Variants in SGMS1 observed in about 807,000 individuals in gnomAD.
SGMS1 encodes phosphatidylcholine:ceramide cholinephosphotransferase 1.
A neutral mutation model predicts 46.2 loss-of-function variants in SGMS1; 13 were observed. The observed-to-expected ratio is 0.28, with a 90% CI of 0.18 to 0.45. The LOEUF (loss-of-function observed/expected upper bound fraction) is 0.45. Ranked by LOEUF, SGMS1 falls within the 20% of genes least tolerant of loss-of-function variation. SGMS1 has a pLI of 1.00. For missense variants in SGMS1, 324 were observed against 519.9 expected, an observed-to-expected ratio of 0.62 and a Z score of 3.66; for synonymous variants, 203 against 187.8, an observed-to-expected ratio of 1.08 and a Z score of -0.66.
upstream of SGMS1, chr10:50,624,865 C>T (rs12763330): frequency 2.0e-6 from 2 of 994,892 alleles, no homozygotes; most frequent in South Asian, 3.9e-5. Context: ...GTGCCTCCCG[C>T]GGGGTCGGGG....
intron 5 of SGMS1, among the ~76,000 whole-genome samples, chr10:50,458,545 G>A (rs1319372962): frequency 1.3e-5 from 2 of 151,334 alleles, no homozygotes; most frequent in African/African-American, 4.9e-5. Context: ...ATTTTTAGTA[G>A]AGACGGGGTT....
chr10:50,481,108 C>T (rs1264443283), intron 3 of SGMS1, among the ~76,000 whole-genome samples: 1 of 152,228 alleles, frequency 6.6e-6, no homozygotes, highest in East Asian at 1.9e-4. Context: ...AGATTGTTGG[C>T]AGTCTGGATG....
At chr10:50,571,219 C>T (rs1349308934) in intron 2 of SGMS1, among the ~76,000 whole-genome samples, 1 of 152,180 alleles carries the variant, frequency 6.6e-6, no homozygotes, top group Non-Finnish European at 1.5e-5. Flanking sequence ...GAAGGAAAAG[C>T]AAACTTAAAT....
In SGMS1 at chr10:50,529,377, T is replaced by C. The variant is rs147482961; in HGVS notation, c.-588-9456A>G. Reference sequence around the variant, plus strand: ...CCATATTTTGGAGACCACTGTATCCTTACCACAATACAATGCTAGGTAAAC... The same window carrying C: ...CCATATTTTGGAGACCACTGTATCCCTACCACAATACAATGCTAGGTAAAC... On this transcript the variant is annotated intron_variant, in intron 2 of 10. Transcript: ENST00000361781. Among the ~76,000 whole-genome samples, 35 of 152,286 alleles carry C rather than the reference T, an allele frequency of 2.3e-4. No homozygotes were observed. In the East Asian group the frequency reaches 6.8e-3, roughly 29 times the overall value.
At chr10:50,523,930 C>G (rs1018923499) in intron 2 of SGMS1, among the ~76,000 whole-genome samples, 1 of 152,228 alleles carries the variant, frequency 6.6e-6, no homozygotes, top group Non-Finnish European at 1.5e-5. Context: ...CGCAGCATTC[C>G]AAACACAGTT....
intron 6 of SGMS1, among the ~76,000 whole-genome samples, chr10:50,351,199 A>G (rs1848005955): frequency 6.6e-6 from 1 of 152,078 alleles, no homozygotes; most frequent in African/African-American, 2.4e-5. Context: ...TGGGTCTGTA[A>G]CCCCTTTGTT....
At chr10:50,413,337 C>T (rs1478400990) in intron 6 of SGMS1, among the ~76,000 whole-genome samples, 2 of 152,196 alleles carry the variant, frequency 1.3e-5, no homozygotes, top group Non-Finnish European at 2.9e-5. Context: ...AATATTTCAC[C>T]GTGCTGCTGA....
At chr10:50,606,224 CCA>C (rs1251642793) in intron 1 of SGMS1, among the ~76,000 whole-genome samples, 1 of 152,148 alleles carries the variant, frequency 6.6e-6, no homozygotes, top group East Asian at 1.9e-4. Context: ...GTAAATCAAG[CCA>C]AATACTAAAT....
At chr10:50,427,393 C>T (rs1406414391) in intron 6 of SGMS1, among the ~76,000 whole-genome samples, 1 of 152,090 alleles carries the variant, frequency 6.6e-6, no homozygotes, top group Non-Finnish European at 1.5e-5. Flanking sequence ...AGCGAGACTC[C>T]GTCACAACAA....
At chr10:50,606,500 A>G (rs553381507) in intron 1 of SGMS1, among the ~76,000 whole-genome samples, 1 of 152,388 alleles carries the variant, frequency 6.6e-6, no homozygotes, top group East Asian at 1.9e-4. Context: ...TAATCAAAAA[A>G]GATGTTTGTA....
chr10:50,534,886 G>A (rs1837986082), intron 2 of SGMS1, among the ~76,000 whole-genome samples: 1 of 152,120 alleles, frequency 6.6e-6, no homozygotes, highest in Non-Finnish European at 1.5e-5. Flanking sequence ...ACAGTTTCCA[G>A]CTTATGGCAT....
At chr10:50,436,118 T>A (rs1277046817) in intron 5 of SGMS1, among the ~76,000 whole-genome samples, 1 of 152,224 alleles carries the variant, frequency 6.6e-6, no homozygotes, top group African/African-American at 2.4e-5. Flanking sequence ...CCAACTTTTT[T>A]TTTTGAGACA....
chr10:50,495,686 C>T (rs1179089453), intron 3 of SGMS1, among the ~76,000 whole-genome samples: 1 of 151,666 alleles, frequency 6.6e-6, no homozygotes, highest in East Asian at 1.9e-4. Context: ...TTGTTAATTT[C>T]ATATATTGAA....
intron 7 of SGMS1, among the ~76,000 whole-genome samples, chr10:50,331,349 T>C (rs974357991): frequency 3.9e-5 from 6 of 152,184 alleles, no homozygotes; most frequent in African/African-American, 1.2e-4. Flanking sequence ...AACAAAAATA[T>C]TCAGGAAACT....
chr10:50,485,083 T>C (rs1837508488), intron 3 of SGMS1, among the ~76,000 whole-genome samples: 1 of 152,152 alleles, frequency 6.6e-6, no homozygotes, highest in Admixed American at 6.5e-5. Context: ...GGTATTCAAA[T>C]TTTAAAAAGA....
rs138075679 is a variant in SGMS1, at chr10:50,343,971, G to A, written c.144C>T (p.Pro48=). The change falls in exon 7 of 11, where the codon CCC becomes CCT. Residue 48 remains proline, a synonymous_variant. Transcript: ENST00000361781. ...NLTQEDFKKP[P]LCRVSSDNGQ... Reference sequence around the variant, plus strand: ...CATTGTCAGAGGAGACTCGGCACAAGGGGGGTTTTTTGAAATCCTCTTGGG... The same window carrying A: ...CATTGTCAGAGGAGACTCGGCACAAAGGGGGTTTTTTGAAATCCTCTTGGG... 104 of 1,605,078 alleles carry A rather than the reference G, an allele frequency of 6.5e-5. No homozygotes were observed. The African/African-American group carries it at 1.3e-3, about 19-fold the overall frequency.
At chr10:50,432,740 C>A (rs914996323) in intron 6 of SGMS1, among the ~76,000 whole-genome samples, 2 of 152,188 alleles carry the variant, frequency 1.3e-5, no homozygotes, top group Non-Finnish European at 2.9e-5. Flanking sequence ...GTACTTTCCA[C>A]AAACTTTAAT....
intron 6 of SGMS1, among the ~76,000 whole-genome samples, chr10:50,380,398 C>A (rs1271824203): frequency 7.3e-6 from 1 of 136,856 alleles, no homozygotes; most frequent in Non-Finnish European, 1.6e-5. Flanking sequence ...AAAAAAAATT[C>A]CTCTCTCCTT....
intron 2 of SGMS1, among the ~76,000 whole-genome samples, chr10:50,550,462 G>A (rs1387773877): frequency 6.6e-6 from 1 of 152,054 alleles, no homozygotes; most frequent in Non-Finnish European, 1.5e-5. Context: ...CACCCTTCCT[G>A]CCAAAGAGAG....
Sources: allele counts gnomAD v4.1 joint callset (sites outside exome capture counted in the v4.1 genomes callset), GRCh38; gene constraint gnomAD v4.1.1; transcripts MANE v1.5; gene names NCBI Gene and HGNC (gene_info 2026-07-23, HGNC 2026-07-21).